ACSL1: variants seen among roughly 807,000 people sequenced by gnomAD.
The protein encoded by ACSL1 is long-chain-fatty-acid--CoA ligase 1.
A neutral mutation model predicts 98.4 loss-of-function variants in ACSL1; 41 were observed. That is an observed-to-expected ratio of 0.42 (90% CI 0.32 to 0.54). The LOEUF (loss-of-function observed/expected upper bound fraction) is 0.54, where lower values mean the gene tolerates loss of function less well. Ranked by LOEUF, ACSL1 falls within the 20% of genes least tolerant of loss-of-function variation. The probability of loss-of-function intolerance (pLI) is 0.13; values close to 1 mark genes in which losing one functional copy is unlikely to be tolerated. For synonymous variants in ACSL1, 316 were observed against 322.7 expected (o/e 0.98, Z 0.22); for missense variants, 734 against 883.1 (o/e 0.83, Z 2.14).
At chr4:184,760,581 G>A (rs1579828697) in intron 17 of ACSL1, 81 bp from the exon 18 acceptor site, 1 of 1,547,392 alleles carries the variant, frequency 6.5e-7, no homozygotes, top group East Asian at 2.3e-5. Flanking sequence ...AACACTGAAA[G>A]GTATTTAATA....
At chr4:184,795,024 C>G (rs1347475165) in intron 2 of ACSL1, among the ~76,000 whole-genome samples, 1 of 152,080 alleles carries the variant, frequency 6.6e-6, no homozygotes, top group Non-Finnish European at 1.5e-5. Context: ...ACCACAAACC[C>G]GCCTCAATGA....
chr4:184,789,593 A>G (rs1165373077), intron 2 of ACSL1, among the ~76,000 whole-genome samples: 4 of 152,244 alleles, frequency 2.6e-5, no homozygotes, highest in Non-Finnish European at 4.4e-5. Flanking sequence ...CAACATTTAT[A>G]GGTGTGCAGA....
At position 184,780,234 on chromosome 4, in the gene ACSL1, T is replaced by C. The variant is rs942424017; in HGVS notation, c.477+98A>G. On this transcript the variant is annotated intron_variant, in intron 5 of 20. Transcript: ENST00000281455. Reference sequence around the variant, plus strand: ...GTGTAACGTAAAGCTATACTTTTAGTAGAAATCAGACTACAAAATCTGGTC... The same window carrying C: ...GTGTAACGTAAAGCTATACTTTTAGCAGAAATCAGACTACAAAATCTGGTC... The C allele has an allele frequency of 1.0e-4, 105 of 1,025,324 alleles. 2 individuals carry two copies. The highest frequency in any genetic ancestry group is 4.8e-4 in the Middle Eastern group (2 of 4,182). The allele number at this position is 1,025,324 out of a possible 1,614,324, so 63.5% of individuals were successfully genotyped here.
chr4:184,768,821 G>C (rs911334136), intron 11 of ACSL1, among the ~76,000 whole-genome samples: 2 of 152,106 alleles, frequency 1.3e-5, no homozygotes, highest in East Asian at 3.9e-4. Context: ...TATAATCCCA[G>C]CACTTTGGGA....
chr4:184,817,007 G>C (rs190470982), intron 1 of ACSL1, among the ~76,000 whole-genome samples: 38 of 152,174 alleles, frequency 2.5e-4, no homozygotes, highest in Admixed American at 1.8e-3. Flanking sequence ...CAGCCTCAGG[G>C]GATATGATAG....
upstream of ACSL1, among the ~76,000 whole-genome samples, chr4:184,826,365 C>T (rs1015498802): frequency 1.3e-5 from 2 of 152,192 alleles, no homozygotes; most frequent in African/African-American, 4.8e-5. Context: ...CGGCGCCCTC[C>T]GGATCCTGCA....
intron 2 of ACSL1, among the ~76,000 whole-genome samples, chr4:184,800,442 G>A (rs1770293541): frequency 6.6e-6 from 1 of 152,276 alleles, no homozygotes; most frequent in Admixed American, 6.5e-5. Flanking sequence ...TTTTCACTAG[G>A]GGGCCATGGG....
intron 7 of ACSL1, among the ~76,000 whole-genome samples, chr4:184,776,030 T>C (rs1765233472): frequency 6.6e-6 from 1 of 152,070 alleles, no homozygotes; most frequent in South Asian, 2.1e-4. Flanking sequence ...ACAAACCAAA[T>C]CAAACATGCA....
At chr4:184,811,874 G>A (rs1202233617) in intron 1 of ACSL1, among the ~76,000 whole-genome samples, 1 of 152,088 alleles carries the variant, frequency 6.6e-6, no homozygotes, top group Non-Finnish European at 1.5e-5. Context: ...TTGCTTAAGT[G>A]GATACAAATG....
chr4:184,786,250 T>C (rs1016197178), intron 3 of ACSL1, among the ~76,000 whole-genome samples: 1 of 152,264 alleles, frequency 6.6e-6, no homozygotes, highest in African/African-American at 2.4e-5. Flanking sequence ...AGTTTGGTGA[T>C]GTTTTTGTGA....
intron 10 of ACSL1, among the ~76,000 whole-genome samples, chr4:184,771,719 C>T (rs544744436): frequency 1.3e-4 from 20 of 152,318 alleles, no homozygotes; most frequent in Admixed American, 4.6e-4. Context: ...AGGGCATTGT[C>T]GTTACCTAGG....
rs1408301653 is a variant in ACSL1, at chr4:184,756,943, G to A, written c.*182C>T. ...CCATAAACATGGTCTGCAACATGAGGTGACTGTAAGGCAGTGTTCTCTTTC... is the reference window on the plus strand; with the variant it reads ...CCATAAACATGGTCTGCAACATGAGATGACTGTAAGGCAGTGTTCTCTTTC... On this transcript the variant is annotated 3_prime_UTR_variant, in exon 21 of 21. Coordinates refer to ENST00000281455, the MANE Select transcript of ACSL1 (RefSeq NM_001995.5). 1.5e-6 allele frequency: 1 copy of A among 654,418 alleles called. No individual in the cohort carries two copies. Among genetic ancestry groups the A allele is most frequent in the Non-Finnish European group, 2.4e-6 (1 of 413,370 alleles). 40.5% of individuals were successfully genotyped at this position (654,418 alleles called of 1,614,324 possible).
At position 184,766,153 on chromosome 4, in the gene ACSL1, G is replaced by C. The variant is rs915455309; in HGVS notation, c.1264-167C>G. On this transcript the variant is annotated intron_variant, in intron 13 of 20. Coordinates refer to ENST00000281455, the MANE Select transcript of ACSL1 (RefSeq NM_001995.5). The surrounding 1 kb of genome is among the most constrained non-coding windows in gnomAD (Gnocchi z 4.8). ...CCTCATGATGGCAGCACAGGGCTAC[G>C]GTTTGTTTCCACCCGTGACTGCCCT... is the stretch of plus-strand genomic sequence containing the variant. Among the ~76,000 whole-genome samples the C allele has an allele frequency of 6.6e-6, 1 of 152,202 alleles. No individual in the cohort carries two copies. The highest frequency in any genetic ancestry group is 1.9e-4 in the East Asian group (1 of 5,194).
chr4:184,759,261 T>C (rs1344961125), intron 18 of ACSL1, among the ~76,000 whole-genome samples: 2 of 152,178 alleles, frequency 1.3e-5, no homozygotes, highest in African/African-American at 4.8e-5. Context: ...CTTGGGTATA[T>C]ACCCAGTAAT....
chr4:184,784,921 C>A (rs1487882005), intron 3 of ACSL1, among the ~76,000 whole-genome samples: 2 of 152,204 alleles, frequency 1.3e-5, no homozygotes, highest in Non-Finnish European at 2.9e-5. Flanking sequence ...GAGACTGTAA[C>A]AAGCACCATA....
intron 14 of ACSL1, 51 bp downstream of exon 14, chr4:184,765,840 G>A: frequency 1.9e-6 from 3 of 1,539,114 alleles, no homozygotes; most frequent in African/African-American, 1.4e-5. Context: ...GTGCAGAAGA[G>A]GACTGGGCAT....
intron 10 of ACSL1, among the ~76,000 whole-genome samples, chr4:184,770,690 AAAACTT>A (rs1175147274): frequency 6.6e-6 from 1 of 152,214 alleles, no homozygotes; most frequent in Non-Finnish European, 1.5e-5. Context: ...CATGCACCCT[AAAACTT>A]AAAGTATAAT....
At position 184,773,894 on chromosome 4, in the gene ACSL1, A is replaced by G. The variant is rs1561192192; in HGVS notation, c.757-19T>C. On this transcript the variant is annotated intron_variant, in intron 7 of 20. Transcript: ENST00000281455. The surrounding 1 kb of genome is among the most constrained non-coding windows in gnomAD (Gnocchi z 4.3). ...CCAGGTCCTTAATTAGAAGAGAAAA[A>G]AAGTCTTAAATGGAAACGTTTTCTA... is the stretch of plus-strand genomic sequence containing the variant. 1 of 1,613,796 alleles carries G rather than the reference A, an allele frequency of 6.2e-7. No individual in the cohort carries two copies. The highest frequency in any genetic ancestry group is 8.5e-7 in the Non-Finnish European group (1 of 1,179,816).
intron 7 of ACSL1, among the ~76,000 whole-genome samples, chr4:184,775,612 G>A (rs1028575634): frequency 1.3e-5 from 2 of 152,190 alleles, no homozygotes; most frequent in African/African-American, 4.8e-5. Context: ...ATGCACAAGA[G>A]AGAAGGTTCT....
Sources: allele counts gnomAD v4.1 joint callset (sites outside exome capture counted in the v4.1 genomes callset), GRCh38; gene constraint gnomAD v4.1.1; non-coding constraint Gnocchi (gnomAD v3.1); transcripts MANE v1.5; gene names NCBI Gene and HGNC (gene_info 2026-07-23, HGNC 2026-07-21).